The following PARD3B variants were observed in gnomAD, a reference collection of about 807,000 sequenced individuals.
PARD3B encodes partitioning defective 3 homolog B.
PARD3B carries 103 observed loss-of-function variants against 130.2 expected under a neutral mutation model. That is an observed-to-expected ratio of 0.79 (90% CI 0.67 to 0.93). PARD3B has a LOEUF of 0.93. Among genes scored for constraint, PARD3B ranks in the 40% least tolerant of loss-of-function variants. The pLI, the probability that PARD3B is intolerant of heterozygous loss-of-function variation, is 0.00. For synonymous variants in PARD3B, 583 were observed against 553.2 expected (o/e 1.05, Z -0.76); for missense variants, 1,609 against 1,499.2 (o/e 1.07, Z -1.21).
rs549614230 is a variant in PARD3B at position 205,575,460 on chromosome 2, T to A, written c.3260+22057T>A. Among the ~76,000 whole-genome samples, 1 of 152,210 alleles carries A rather than the reference T, an allele frequency of 6.6e-6. No homozygotes were observed. The highest frequency in any genetic ancestry group is 2.4e-5 in the African/African-American group (1 of 41,550). On this transcript the variant is annotated intron_variant, in intron 22 of 22. Transcript: ENST00000406610. This position sits in a 1 kb window ranked among gnomAD's most constrained non-coding sequence, Gnocchi z 4.6. The stretch of plus-strand genomic sequence containing the variant: ...GGGTTTGGACAAGTGTATAATGACA[T>A]GTATGTATCATTATAGTATCATGCA...
At chr2:205,096,143 T>A (rs1338843278) in intron 4 of PARD3B, among the ~76,000 whole-genome samples, 1 of 152,178 alleles carries the variant, frequency 6.6e-6, no homozygotes, top group Non-Finnish European at 1.5e-5. Flanking sequence ...TTAATTGATC[T>A]GTTGGGGAAT....
chr2:204,812,464 C>T (rs2042996822), intron 2 of PARD3B, among the ~76,000 whole-genome samples: 1 of 152,070 alleles, frequency 6.6e-6, no homozygotes, highest in Admixed American at 6.6e-5. Context: ...TTGAGAGATC[C>T]AAGTGCACCA....
chr2:205,415,265 G>A lies in PARD3B; in HGVS notation c.2741+14142G>A, dbSNP rs1216800190. Reference sequence around the variant, plus strand: ...TTTTCACACGGCAACTTAAAAACTTGGCATAATAATTTTCCTACTTTTGAT... The same window carrying A: ...TTTTCACACGGCAACTTAAAAACTTAGCATAATAATTTTCCTACTTTTGAT... On this transcript the variant is annotated intron_variant, in intron 19 of 22. Transcript: ENST00000406610. 4.6e-5 allele frequency among the ~76,000 whole-genome samples: 7 copies of A among 152,030 alleles called. No homozygotes were observed. In the East Asian group the frequency reaches 1.2e-3, roughly 25 times the overall value.
rs1439010042 is a variant in PARD3B at position 205,288,883 on chromosome 2, A to G, written c.2186-11647A>G. On this transcript the variant is annotated intron_variant, in intron 16 of 22. Coordinates refer to ENST00000406610, the MANE Select transcript of PARD3B (RefSeq NM_001302769.2). This position sits in a 1 kb window ranked among gnomAD's most constrained non-coding sequence, Gnocchi z 4.0. ...TCTTTTCTCTGACTTCTGCAAGCCT[A>G]AAATACTCCAGCCCTTAACTGTGCT... 2.6e-5 allele frequency among the ~76,000 whole-genome samples: 4 copies of G among 152,200 alleles called. No individual in the cohort carries two copies. Among genetic ancestry groups the G allele is most frequent in the African/African-American group, 9.7e-5 (4 of 41,450 alleles).
At chr2:205,607,828 C>CTATACACACA (rs2055058697) in intron 22 of PARD3B, among the ~76,000 whole-genome samples, 1 of 64,044 alleles carries the variant, frequency 1.6e-5, no homozygotes, top group African/African-American at 8.3e-5. Context: ...CCCCCAACAC[C>CTATACACACA]CATACACACA....
Position 205,015,033 on chromosome 2 carries a change from T to C in PARD3B, c.395-32548T>C, listed in dbSNP as rs995899628. Among the ~76,000 whole-genome samples the C allele has an allele frequency of 2.0e-5, 3 of 152,120 alleles. No homozygotes were observed. The highest frequency in any genetic ancestry group is 4.4e-5 in the Non-Finnish European group (3 of 68,022). ...TTAGGGTTACAGGGCCCACATACAG[T>C]TGAAAATCTGAGTATAACTTGCAAC... On this transcript the variant is annotated intron_variant, in intron 3 of 22. Transcript: ENST00000406610. The surrounding 1 kb of genome is among the most constrained non-coding windows in gnomAD (Gnocchi z 4.5).
At chr2:204,679,334 G>A (rs2036710680) in intron 1 of PARD3B, among the ~76,000 whole-genome samples, 1 of 152,162 alleles carries the variant, frequency 6.6e-6, no homozygotes, top group African/African-American at 2.4e-5. Flanking sequence ...TGTATACCCA[G>A]AAGTGGAATT....
At chr2:205,509,121 G>A (rs2050491393) in intron 21 of PARD3B, among the ~76,000 whole-genome samples, 1 of 151,996 alleles carries the variant, frequency 6.6e-6, no homozygotes, top group African/African-American at 2.4e-5. Context: ...ATTTTTGAAA[G>A]GAAGCAACAT....
chr2:205,546,569 A>G (rs980770414), intron 21 of PARD3B, among the ~76,000 whole-genome samples: 1 of 152,158 alleles, frequency 6.6e-6, no homozygotes, highest in African/African-American at 2.4e-5. Flanking sequence ...CACAGAGAAA[A>G]ATGAGAAGTG....
intron 4 of PARD3B, among the ~76,000 whole-genome samples, chr2:205,076,640 C>A (rs1701080434): frequency 6.6e-6 from 1 of 152,152 alleles, no homozygotes; most frequent in Non-Finnish European, 1.5e-5. Context: ...CCTGTCACAT[C>A]AGTGGCAGCA....
At position 205,351,219 on chromosome 2, in the gene PARD3B, C is replaced by T. The variant is rs1238040001; in HGVS notation, c.2630+49518C>T. On this transcript the variant is annotated intron_variant, in intron 18 of 22. Coordinates refer to ENST00000406610, the MANE Select transcript of PARD3B (RefSeq NM_001302769.2). This position sits in a 1 kb window ranked among gnomAD's most constrained non-coding sequence, Gnocchi z 4.2. Reference sequence around the variant, plus strand: ...TATTCTCTCTGTCACCTTGCTGTCTCCCCACCACATTTATGATGTGAAACT... The same window carrying T: ...TATTCTCTCTGTCACCTTGCTGTCTTCCCACCACATTTATGATGTGAAACT... Among the ~76,000 whole-genome samples the T allele has an allele frequency of 6.6e-6, 1 of 152,184 alleles. No homozygotes were observed. The highest frequency in any genetic ancestry group is 1.5e-5 in the Non-Finnish European group (1 of 68,032).
chr2:204,631,719 GT>G (rs1375368214), intron 1 of PARD3B, among the ~76,000 whole-genome samples: 1 of 152,126 alleles, frequency 6.6e-6, no homozygotes, highest in Non-Finnish European at 1.5e-5. Context: ...GTACTTCAGT[GT>G]TTTTTTGTAG....
At chr2:205,459,311 T>A (rs2048372606) in intron 20 of PARD3B, among the ~76,000 whole-genome samples, 1 of 152,214 alleles carries the variant, frequency 6.6e-6, no homozygotes, top group Non-Finnish European at 1.5e-5. Flanking sequence ...TCCTTTTTTT[T>A]AAGCTTATCC....
At chr2:204,802,714 C>G (rs961168315) in intron 2 of PARD3B, among the ~76,000 whole-genome samples, 1 of 152,062 alleles carries the variant, frequency 6.6e-6, no homozygotes, top group Non-Finnish European at 1.5e-5. Context: ...AGCTGGAAAC[C>G]ATCATTCTCA....
At position 205,544,435 on chromosome 2, in the gene PARD3B, A is replaced by C. The variant is rs143301987; in HGVS notation, c.3181-8889A>C. Among the ~76,000 whole-genome samples the C allele has an allele frequency of 6.1e-3, 926 of 152,278 alleles. 20 individuals are homozygous for C. The highest frequency in any genetic ancestry group is 4.5e-3 in the Non-Finnish European group (303 of 68,016). ...CTCTTCAAGCTTGTTGGCAAGGCAC[A>C]TACGCACACGTGCACATACACACAC... On this transcript the variant is annotated intron_variant, in intron 21 of 22. Coordinates refer to ENST00000406610, the MANE Select transcript of PARD3B (RefSeq NM_001302769.2).
intron 2 of PARD3B, among the ~76,000 whole-genome samples, chr2:204,901,309 C>G (rs887765347): frequency 2.6e-5 from 4 of 152,064 alleles, no homozygotes; most frequent in Non-Finnish European, 5.9e-5. Flanking sequence ...GTACTGAAGC[C>G]ACAAGACAAA....
At position 205,568,568 on chromosome 2, in the gene PARD3B, T is replaced by G. The variant is rs1214799532; in HGVS notation, c.3260+15165T>G. Among the ~76,000 whole-genome samples, 2 of 152,196 alleles carry G rather than the reference T, an allele frequency of 1.3e-5. No homozygotes were observed. Among genetic ancestry groups the G allele is most frequent in the African/African-American group, 4.8e-5 (2 of 41,442 alleles). ...TAAACTTGGTACTGAGTTGCCTGAC[T>G]CAAAAATGCCCATTAATGAACAATG... On this transcript the variant is annotated intron_variant, in intron 22 of 22. Coordinates refer to ENST00000406610, the MANE Select transcript of PARD3B (RefSeq NM_001302769.2). The surrounding 1 kb of genome is among the most constrained non-coding windows in gnomAD (Gnocchi z 5.3).
intron 2 of PARD3B, among the ~76,000 whole-genome samples, chr2:204,960,115 G>A (rs1690615209): frequency 6.6e-6 from 1 of 152,182 alleles, no homozygotes; most frequent in African/African-American, 2.4e-5. Context: ...TCACTGTTGA[G>A]CTTATGACGT....
chr2:204,690,323 G>A (rs779549589), intron 2 of PARD3B, among the ~76,000 whole-genome samples: 1 of 152,142 alleles, frequency 6.6e-6, no homozygotes, highest in Non-Finnish European at 1.5e-5. Flanking sequence ...CCTCAAAAAT[G>A]TCTACTCCCT....
Sources: gnomAD v4.1 joint callset for allele counts (sites outside exome capture counted in the v4.1 genomes callset) on GRCh38, gnomAD v4.1.1 for gene constraint, Gnocchi (gnomAD v3.1) non-coding constraint, MANE v1.5 for transcripts, NCBI Gene and HGNC (gene_info 2026-07-23, HGNC 2026-07-21) for gene names.